Variants in WASF3 observed in about 807,000 individuals in gnomAD.
The protein encoded by WASF3 is actin-binding protein WASF3.
A neutral mutation model predicts 46.6 loss-of-function variants in WASF3; 11 were observed. The ratio of observed to expected loss-of-function variants is 0.24; its 90% CI spans 0.15 to 0.39. The LOEUF (loss-of-function observed/expected upper bound fraction) is 0.39, where lower values mean the gene tolerates loss of function less well. WASF3 is among the 10% of genes least tolerant of loss of function. The pLI is 1.00. For synonymous variants in WASF3, 242 were observed against 259.7 expected (o/e 0.93, Z 0.65); for missense variants, 576 against 669.8 (o/e 0.86, Z 1.55).
chr13:26,611,583 A>G (rs1224757628), intron 1 of WASF3, among the ~76,000 whole-genome samples: 2 of 152,198 alleles, frequency 1.3e-5, no homozygotes, highest in East Asian at 3.9e-4. Flanking sequence ...AAAATCATCA[A>G]GTCGAATCAG....
chr13:26,621,042 A>G (rs74040627), intron 2 of WASF3, among the ~76,000 whole-genome samples: 2,023 of 152,212 alleles, frequency 0.013, 51 homozygotes, highest in African/African-American at 0.045. Flanking sequence ...TCCATCCTCA[A>G]ACGTCTGTTG....
chr13:26,567,610 A>G (rs887261392), intron 1 of WASF3, among the ~76,000 whole-genome samples: 2 of 152,178 alleles, frequency 1.3e-5, no homozygotes, highest in Non-Finnish European at 2.9e-5. Context: ...TACAGTAAAA[A>G]TTCCTGACCC....
intron 3 of WASF3, among the ~76,000 whole-genome samples, chr13:26,651,129 C>T (rs190256259): frequency 6.6e-6 from 1 of 152,114 alleles, no homozygotes; most frequent in African/African-American, 2.4e-5. Flanking sequence ...CGAGAGCAGC[C>T]TCGCCAACAT....
At chr13:26,683,949 C>T (rs77701114) in intron 9 of WASF3, among the ~76,000 whole-genome samples, 10,187 of 152,226 alleles carry the variant, frequency 0.067, 380 homozygotes, top group South Asian at 0.1. Context: ...AAGAGCTTCT[C>T]GCCTGTGGGG....
chr13:26,649,761 T>G (rs1212117248), intron 3 of WASF3, among the ~76,000 whole-genome samples: 1 of 152,138 alleles, frequency 6.6e-6, no homozygotes, highest in Non-Finnish European at 1.5e-5. Flanking sequence ...GTTCGTCCAT[T>G]CAGGAGAGGG....
chr13:26,591,412 A>C (rs1278345825), intron 1 of WASF3, among the ~76,000 whole-genome samples: 1 of 152,034 alleles, frequency 6.6e-6, no homozygotes, highest in Non-Finnish European at 1.5e-5. Context: ...CAAGCAGTTG[A>C]GGTGGGGGAA....
intron 2 of WASF3, among the ~76,000 whole-genome samples, chr13:26,614,080 T>G (rs1362579713): frequency 6.6e-6 from 1 of 152,140 alleles, no homozygotes; most frequent in Non-Finnish European, 1.5e-5. Context: ...CTTTCTTTCT[T>G]TTTTCTTTTG....
At chr13:26,596,558 A>G (rs1413069846) in intron 1 of WASF3, among the ~76,000 whole-genome samples, 1 of 151,570 alleles carries the variant, frequency 6.6e-6, no homozygotes, top group East Asian at 1.9e-4. Context: ...GGTTGCTTTG[A>G]GTATTTTCTC....
chr13:26,636,477 A>G (rs1185387842), intron 2 of WASF3, among the ~76,000 whole-genome samples: 1 of 152,154 alleles, frequency 6.6e-6, no homozygotes, highest in Non-Finnish European at 1.5e-5. Context: ...GGGTGAGGCA[A>G]TGCCCCGCCC....
At chr13:26,623,559 A>G (rs924256608) in intron 2 of WASF3, among the ~76,000 whole-genome samples, 7 of 152,202 alleles carry the variant, frequency 4.6e-5, no homozygotes, top group African/African-American at 1.7e-4. Context: ...ATGCAAAGCA[A>G]AGTTCTCTTT....
chr13:26,617,855 T>C (rs1881181752), intron 2 of WASF3, among the ~76,000 whole-genome samples: 1 of 152,074 alleles, frequency 6.6e-6, no homozygotes, highest in Non-Finnish European at 1.5e-5. Context: ...GATGTTCTTG[T>C]GATAGTGAAT....
chr13:26,570,162 C>T (rs1385954135), intron 1 of WASF3, among the ~76,000 whole-genome samples: 2 of 152,112 alleles, frequency 1.3e-5, no homozygotes, highest in African/African-American at 4.8e-5. Context: ...GTGGCAGGCG[C>T]CTGTAATTCC....
chr13:26,564,770 G>C (rs964048452), intron 1 of WASF3, among the ~76,000 whole-genome samples: 1 of 152,080 alleles, frequency 6.6e-6, no homozygotes, highest in Admixed American at 6.5e-5. Flanking sequence ...TATGTGTTTT[G>C]ATTCATGGTT....
At chr13:26,546,088 C>T in the WASF3 span, among the ~76,000 whole-genome samples, 2 of 152,138 alleles carry the variant, frequency 1.3e-5, no homozygotes, top group East Asian at 3.8e-4. Context: ...CACTTTGTGA[C>T]ATAATCTTAG....
At chr13:26,608,685 G>A (rs115847774) in intron 1 of WASF3, among the ~76,000 whole-genome samples, 146 of 152,306 alleles carry the variant, frequency 9.6e-4, no homozygotes, top group African/African-American at 3.5e-3. Flanking sequence ...CGGAACCGTT[G>A]TAGCAATGGG....
chr13:26,567,268 T>A (rs1045702256), intron 1 of WASF3, among the ~76,000 whole-genome samples: 12 of 152,158 alleles, frequency 7.9e-5, no homozygotes, highest in Non-Finnish European at 1.6e-4. Flanking sequence ...GTATAGAAGA[T>A]AGTTTGAAGT....
intron 2 of WASF3, among the ~76,000 whole-genome samples, chr13:26,634,475 A>G (rs566777034): frequency 6.6e-6 from 1 of 152,290 alleles, no homozygotes; most frequent in East Asian, 1.9e-4. Flanking sequence ...TGGGGCATTT[A>G]GCCCATTTAC....
intron 3 of WASF3, among the ~76,000 whole-genome samples, chr13:26,642,760 T>G (rs1279296885): frequency 2.0e-5 from 3 of 152,254 alleles, no homozygotes; most frequent in African/African-American, 7.2e-5. Context: ...CCAATTGTTT[T>G]GTTTTTTAAG....
intron 2 of WASF3, among the ~76,000 whole-genome samples, chr13:26,625,026 G>A (rs496533): frequency 0.99 from 150,432 of 152,306 alleles, 74,313 homozygotes; most frequent in East Asian, 1. Flanking sequence ...ATCAGATGGC[G>A]GTTGGGATCT....
Sources: gnomAD v4.1 joint callset for allele counts (sites outside exome capture counted in the v4.1 genomes callset) on GRCh38, gnomAD v4.1.1 for gene constraint, MANE v1.5 for transcripts, NCBI Gene and HGNC (gene_info 2026-07-23, HGNC 2026-07-21) for gene names.